Variants in ESRRB observed in about 807,000 individuals in gnomAD.
ESRRB encodes the protein estrogen related receptor beta, also known as steroid hormone receptor ERR2.
A neutral mutation model predicts 46.0 loss-of-function variants in ESRRB; 16 were observed. That is an observed-to-expected ratio of 0.35 (90% CI 0.24 to 0.53). The LOEUF (loss-of-function observed/expected upper bound fraction) is 0.53. Among genes scored for constraint, ESRRB ranks in the 20% least tolerant of loss-of-function variants. ESRRB has a pLI of 0.93. For missense variants in ESRRB, 488 were observed against 607.4 expected, an observed-to-expected ratio of 0.80 and a Z score of 2.07; for synonymous variants, 246 against 259.6, an observed-to-expected ratio of 0.95 and a Z score of 0.50.
chr14:76,332,760 A>ATATATT (rs1427036906), intron 1 of ESRRB, among the ~76,000 whole-genome samples: 2 of 4,224 alleles, frequency 4.7e-4, no homozygotes, highest in East Asian at 0.062. Flanking sequence ...ATTATATATA[A>ATATATT]ATATATAATA....
chr14:76,384,930 A>T (rs1885159761), intron 1 of ESRRB, among the ~76,000 whole-genome samples: 1 of 152,170 alleles, frequency 6.6e-6, no homozygotes, highest in Non-Finnish European at 1.5e-5. Context: ...GGAGGTCATC[A>T]GGGAACTGAC....
chr14:76,390,975 C>T (rs373376597), intron 1 of ESRRB, among the ~76,000 whole-genome samples: 4 of 152,172 alleles, frequency 2.6e-5, no homozygotes, highest in Non-Finnish European at 4.4e-5. Flanking sequence ...GTGGCTGCAG[C>T]GGGGCCCCAG....
At chr14:76,481,917 C>A (rs1889819526) in intron 3 of ESRRB, 99 bp from the exon 4 acceptor site, 2 of 1,081,254 alleles carry the variant, frequency 1.8e-6, no homozygotes, top group Non-Finnish European at 2.7e-6. Context: ...CCGAGCAAGG[C>A]CCTGAAGGAC....
chr14:76,385,532 G>GGGT (rs1885189341), intron 1 of ESRRB, among the ~76,000 whole-genome samples: 1 of 152,168 alleles, frequency 6.6e-6, no homozygotes, highest in Admixed American at 6.5e-5. Flanking sequence ...GAGTGTTTGG[G>GGGT]GGTGGCTTGA....
upstream of ESRRB, among the ~76,000 whole-genome samples, chr14:76,366,956 G>A (rs1884529444): frequency 6.6e-6 from 1 of 152,160 alleles, no homozygotes; most frequent in Non-Finnish European, 1.5e-5. Context: ...TAACCAAAGA[G>A]GGGGTTCGTA....
intron 1 of ESRRB, among the ~76,000 whole-genome samples, chr14:76,352,827 C>T (rs1239789582): frequency 6.6e-6 from 1 of 152,238 alleles, no homozygotes; most frequent in Non-Finnish European, 1.5e-5. Flanking sequence ...TCTGGGAACG[C>T]GGGCTCTCTC....
At chr14:76,377,965 A>C (rs1235601335) in intron 1 of ESRRB, among the ~76,000 whole-genome samples, 1 of 134,174 alleles carries the variant, frequency 7.5e-6, no homozygotes, top group Non-Finnish European at 1.6e-5. Flanking sequence ...ATGGATTCCG[A>C]TTTCCATCAG....
chr14:76,402,345 C>T (rs1342671024), intron 1 of ESRRB, among the ~76,000 whole-genome samples: 1 of 152,176 alleles, frequency 6.6e-6, no homozygotes, highest in African/African-American at 2.4e-5. Flanking sequence ...TTCGGCCTTC[C>T]AGGGCATTTT....
chr14:76,335,574 GA>G (rs1884117242), intron 1 of ESRRB, among the ~76,000 whole-genome samples: 1 of 152,214 alleles, frequency 6.6e-6, no homozygotes, highest in Non-Finnish European at 1.5e-5. Context: ...ACAGTTAGGT[GA>G]AAAGGAAACA....
At chr14:76,332,614 ATT>A (rs1884032785) in intron 1 of ESRRB, among the ~76,000 whole-genome samples, 3 of 39,344 alleles carry the variant, frequency 7.6e-5, no homozygotes, top group Non-Finnish European at 1.2e-4. Context: ...ATATTTATAT[ATT>A]ATATAAATAT....
chr14:76,440,694 ACT>A (rs1030383402), intron 2 of ESRRB, among the ~76,000 whole-genome samples: 20 of 125,696 alleles, frequency 1.6e-4, no homozygotes, highest in African/African-American at 6.2e-4. Context: ...TCTCTCTCTC[ACT>A]CTCTTTCTTT....
chr14:76,499,219 C>T lies in ESRRB; in HGVS notation c.*761C>T, dbSNP rs912065626. The T allele has an allele frequency of 1.1e-5, 3 of 263,078 alleles. No individual in the cohort carries two copies. The highest frequency in any genetic ancestry group is 6.7e-5 in the African/African-American group (3 of 44,538). The allele number at this position is 263,078 out of a possible 1,614,324, so 16.3% of individuals were successfully genotyped here. On this transcript the variant is annotated 3_prime_UTR_variant, in exon 7 of 7. Coordinates refer to ENST00000644823, the MANE Select transcript of ESRRB (RefSeq NM_001379180.1). ...CACTCACCCAGTGGGTTCAGCCAGC[C>T]ACAGCGACTCCAGGGGCTGTAGACA...
intron 1 of ESRRB, among the ~76,000 whole-genome samples, chr14:76,324,998 T>C (rs1290721412): frequency 1.4e-5 from 2 of 145,810 alleles, no homozygotes; most frequent in African/African-American, 5.0e-5. Flanking sequence ...ACAGAGTCTT[T>C]CTGTCACCCA....
At chr14:76,344,756 G>A (rs186766574) in intron 1 of ESRRB, among the ~76,000 whole-genome samples, 195 of 152,078 alleles carry the variant, frequency 1.3e-3, no homozygotes, top group African/African-American at 4.5e-3. Context: ...GGAAGCTGAG[G>A]CAGGAGAATG....
intron 1 of ESRRB, among the ~76,000 whole-genome samples, chr14:76,390,303 A>G (rs1030069856): frequency 2.0e-5 from 3 of 152,198 alleles, no homozygotes; most frequent in African/African-American, 7.2e-5. Flanking sequence ...AGCCTGGCCA[A>G]CATGGTGAAA....
At chr14:76,396,379 T>TA (rs534403213) in intron 1 of ESRRB, among the ~76,000 whole-genome samples, 8 of 151,882 alleles carry the variant, frequency 5.3e-5, no homozygotes, top group East Asian at 3.9e-4. Flanking sequence ...AAAGAGATAT[T>TA]AAAAAAAACT....
chr14:76,407,664 G>T, intron 1 of ESRRB: 1 of 880,524 alleles, frequency 1.1e-6, no homozygotes. Flanking sequence ...AACCCTCGTG[G>T]CTGAGCATTG....
At chr14:76,317,002 G>C (rs572026023) in intron 1 of ESRRB, among the ~76,000 whole-genome samples, 1 of 152,144 alleles carries the variant, frequency 6.6e-6, no homozygotes, top group Non-Finnish European at 1.5e-5. Flanking sequence ...CTGGTCCCGG[G>C]TGGTACACAT....
chr14:76,382,191 C>T (rs1057272549), intron 1 of ESRRB, among the ~76,000 whole-genome samples: 5 of 152,170 alleles, frequency 3.3e-5, no homozygotes, highest in Non-Finnish European at 7.3e-5. Context: ...GGGTAGTCCC[C>T]TTTAAGATGG....
Sources: allele counts gnomAD v4.1 joint callset (sites outside exome capture counted in the v4.1 genomes callset), GRCh38; gene constraint gnomAD v4.1.1; transcripts MANE v1.5; gene names NCBI Gene and HGNC (gene_info 2026-07-23, HGNC 2026-07-21).